PGCKA1: variants seen among roughly 807,000 people sequenced by gnomAD.
The protein encoded by PGCKA1 is PDCD10 and GCKIII kinases-associated protein 1.
the PGCKA1 span, chr4:37,584,526 CA>C: frequency 6.6e-6 from 1 of 152,246 alleles, no homozygotes; most frequent in Non-Finnish European, 1.5e-5. Context: ...CTTGGAAGAA[CA>C]GTATAGATCC....
the PGCKA1 span, among the ~76,000 whole-genome samples, chr4:37,529,000 T>C: frequency 2.6e-5 from 4 of 152,230 alleles, no homozygotes; most frequent in Non-Finnish European, 5.9e-5. Context: ...TCAATACTCA[T>C]GGTTAGAGAT....
chr4:37,573,387 C>A, the PGCKA1 span, among the ~76,000 whole-genome samples: 4 of 152,180 alleles, frequency 2.6e-5, no homozygotes, highest in Non-Finnish European at 4.4e-5. Context: ...TGCTGCAGTT[C>A]CCACAGTGGC....
chr4:37,587,884 G>A, the PGCKA1 span, among the ~76,000 whole-genome samples: 5 of 152,058 alleles, frequency 3.3e-5, no homozygotes, highest in African/African-American at 9.7e-5. Context: ...CAGGAGAATC[G>A]CTTGAACCTG....
the PGCKA1 span, among the ~76,000 whole-genome samples, chr4:37,583,443 T>G: frequency 8.4e-6 from 1 of 118,380 alleles, no homozygotes; most frequent in Non-Finnish European, 1.5e-5. Flanking sequence ...TTGTTTTTGT[T>G]TTTTTTTTTT....
chr4:37,563,180 A>G, the PGCKA1 span, among the ~76,000 whole-genome samples: 1 of 152,162 alleles, frequency 6.6e-6, no homozygotes, highest in South Asian at 2.1e-4. Flanking sequence ...GATTCTTTCA[A>G]ATCAGAGCCC....
the PGCKA1 span, among the ~76,000 whole-genome samples, chr4:37,528,307 T>C: frequency 6.6e-6 from 1 of 152,196 alleles, no homozygotes; most frequent in African/African-American, 2.4e-5. Context: ...CTATTTAATA[T>C]GTAATCACGA....
At chr4:37,590,885 A>G in the PGCKA1 span, 13 of 1,614,214 alleles carry the variant, frequency 8.1e-6, no homozygotes, top group Non-Finnish European at 1.0e-5. Flanking sequence ...GAGGATACCC[A>G]TGGCTCCGAT....
At chr4:37,457,765 T>C in the PGCKA1 span, among the ~76,000 whole-genome samples, 3 of 152,254 alleles carry the variant, frequency 2.0e-5, no homozygotes, top group African/African-American at 7.2e-5. Context: ...CTTCAAATTG[T>C]TGTTAAGAGT....
At chr4:37,573,714 A>T in the PGCKA1 span, among the ~76,000 whole-genome samples, 12 of 152,282 alleles carry the variant, frequency 7.9e-5, no homozygotes, top group African/African-American at 2.9e-4. Flanking sequence ...CACTATTATG[A>T]AATCTTCTTG....
At chr4:37,574,438 A>G in the PGCKA1 span, among the ~76,000 whole-genome samples, 8 of 148,822 alleles carry the variant, frequency 5.4e-5, no homozygotes, top group Admixed American at 5.3e-4. Context: ...TACTTCATTT[A>G]TTTTTATTTT....
At chr4:37,541,054 G>T in the PGCKA1 span, among the ~76,000 whole-genome samples, 1 of 142,122 alleles carries the variant, frequency 7.0e-6, no homozygotes, top group Non-Finnish European at 1.6e-5. Flanking sequence ...GAAGTCCCAG[G>T]CTGGCTGAGT....
chr4:37,478,682 T>G, the PGCKA1 span, among the ~76,000 whole-genome samples: 3 of 152,224 alleles, frequency 2.0e-5, no homozygotes, highest in Non-Finnish European at 2.9e-5. Context: ...GAAATTAAAT[T>G]GATAACAAGA....
At chr4:37,495,248 G>C in the PGCKA1 span, among the ~76,000 whole-genome samples, 8 of 152,278 alleles carry the variant, frequency 5.3e-5, no homozygotes, top group Non-Finnish European at 7.3e-5. Context: ...AGCTGGAGAG[G>C]ATGTGGAGAA....
At chr4:37,587,664 G>C in the PGCKA1 span, among the ~76,000 whole-genome samples, 1 of 152,144 alleles carries the variant, frequency 6.6e-6, no homozygotes, top group African/African-American at 2.4e-5. Flanking sequence ...ATTCTGTTTT[G>C]GCTTGTCTTT....
At chr4:37,535,983 A>T in the PGCKA1 span, among the ~76,000 whole-genome samples, 1 of 152,216 alleles carries the variant, frequency 6.6e-6, no homozygotes, top group African/African-American at 2.4e-5. Context: ...AGTGGTTGTG[A>T]GGATTAAATG....
the PGCKA1 span, among the ~76,000 whole-genome samples, chr4:37,525,907 A>G: frequency 0.2 from 30,690 of 152,152 alleles, 3,808 homozygotes; most frequent in African/African-American, 0.34. Flanking sequence ...ATCTTAATCA[A>G]TGGACAGTGG....
chr4:37,508,767 G>A, the PGCKA1 span, among the ~76,000 whole-genome samples: 3 of 148,496 alleles, frequency 2.0e-5, no homozygotes, highest in Non-Finnish European at 4.4e-5. Context: ...GTGGAGGGAA[G>A]GTCAGCAGAT....
the PGCKA1 span, among the ~76,000 whole-genome samples, chr4:37,557,350 A>C: frequency 2.0e-5 from 3 of 152,238 alleles, no homozygotes; most frequent in African/African-American, 7.2e-5. Context: ...TATCAATAGT[A>C]ATAACAACTA....
At chr4:37,480,352 G>T in the PGCKA1 span, among the ~76,000 whole-genome samples, 2 of 152,200 alleles carry the variant, frequency 1.3e-5, no homozygotes, top group Admixed American at 1.3e-4. Context: ...AATTAGCCGG[G>T]TATGCTGGCA....
Sources: gnomAD v4.1 joint callset for allele counts (sites outside exome capture counted in the v4.1 genomes callset) on GRCh38, gnomAD v4.1.1 for gene constraint, MANE v1.5 for transcripts, NCBI Gene and HGNC (gene_info 2026-07-23, HGNC 2026-07-21) for gene names.